SSBP3: variants seen among roughly 807,000 people sequenced by gnomAD.
SSBP3 encodes the protein single-stranded DNA-binding protein 3.
Under a neutral mutation model 69.6 loss-of-function variants are expected in SSBP3, and 5 were observed. The observed-to-expected ratio is 0.07, with a 90% confidence interval of 0.04 to 0.15. The LOEUF is 0.15. Ranked by LOEUF, SSBP3 falls within the 10% of genes least tolerant of loss-of-function variation. SSBP3 has a pLI of 1.00. For missense variants in SSBP3, 312 were observed against 534.0 expected, an observed-to-expected ratio of 0.58 and a Z score of 4.10; for synonymous variants, 196 against 193.4, an observed-to-expected ratio of 1.01 and a Z score of -0.11.
chr1:54,299,450 G>A (rs961795347), intron 4 of SSBP3, among the ~76,000 whole-genome samples: 8 of 151,678 alleles, frequency 5.3e-5, no homozygotes, highest in Admixed American at 5.2e-4. Flanking sequence ...CCCAGAACCT[G>A]GCCAGGGTCC....
At chr1:54,265,075 G>A (rs943138548) in intron 5 of SSBP3, among the ~76,000 whole-genome samples, 7 of 152,170 alleles carry the variant, frequency 4.6e-5, no homozygotes, top group African/African-American at 1.4e-4. Context: ...AGAAAATGGC[G>A]TAAGCTCAGT....
exon 15 of SSBP3, chr1:54,228,763 T>C (rs1295649860): frequency 1.2e-6 from 2 of 1,606,584 alleles, no homozygotes; most frequent in South Asian, 1.1e-5. Context: ...GATCCATTCA[T>C]GTGGTGTGGC....
intron 4 of SSBP3, among the ~76,000 whole-genome samples, chr1:54,316,891 A>G (rs1646124816): frequency 6.6e-6 from 1 of 152,276 alleles, no homozygotes; most frequent in East Asian, 1.9e-4. Flanking sequence ...CTGCTTCAAA[A>G]ATGGCACCTT....
At chr1:54,275,759 T>C (rs146442743) in intron 5 of SSBP3, among the ~76,000 whole-genome samples, 23 of 152,272 alleles carry the variant, frequency 1.5e-4, no homozygotes, top group South Asian at 8.3e-4. Flanking sequence ...CTCAAGGACT[T>C]GGAATGTGGG....
intron 4 of SSBP3, among the ~76,000 whole-genome samples, chr1:54,284,952 T>C (rs9326028): frequency 0.13 from 19,234 of 152,132 alleles, 1,289 homozygotes; most frequent in Middle Eastern, 0.21. Flanking sequence ...TTCTAGTAAA[T>C]GCACGGTGTA....
chr1:54,365,849 TAGA>T (rs1236416298), intron 4 of SSBP3, among the ~76,000 whole-genome samples: 1 of 152,216 alleles, frequency 6.6e-6, no homozygotes, highest in East Asian at 1.9e-4. Context: ...GCACTGACTC[TAGA>T]AGAACTAGTT....
intron 4 of SSBP3, among the ~76,000 whole-genome samples, chr1:54,377,751 A>T (rs1647296289): frequency 6.6e-6 from 1 of 152,222 alleles, no homozygotes; most frequent in South Asian, 2.1e-4. Context: ...TGTTGGTGAT[A>T]CGTCCTAGAA....
intron 4 of SSBP3, among the ~76,000 whole-genome samples, chr1:54,369,899 T>G (rs1557571180): frequency 6.6e-6 from 1 of 152,256 alleles, no homozygotes; most frequent in Non-Finnish European, 1.5e-5. Context: ...GCTGCCTCTC[T>G]CGGGATCCCC....
At chr1:54,312,941 G>T (rs1232263185) in intron 4 of SSBP3, among the ~76,000 whole-genome samples, 1 of 152,172 alleles carries the variant, frequency 6.6e-6, no homozygotes, top group Non-Finnish European at 1.5e-5. Context: ...GAGGCCAGGA[G>T]GGGGTGGGAT....
upstream of SSBP3, among the ~76,000 whole-genome samples, chr1:54,408,843 G>C (rs1160972724): frequency 3.3e-5 from 5 of 152,192 alleles, no homozygotes; most frequent in African/African-American, 1.2e-4. Context: ...GCACTCTGTG[G>C]TCAGCCCTTT....
chr1:54,406,381 G>C, exon 1 of SSBP3: 1 of 165,068 alleles, frequency 6.1e-6, no homozygotes, highest in African/African-American at 2.4e-5. Context: ...CGCCGCCGCC[G>C]CCGCCGCTGG....
At chr1:54,335,717 G>A (rs955378530) in intron 4 of SSBP3, 2 of 152,222 alleles carry the variant, frequency 1.3e-5, no homozygotes, top group Admixed American at 1.3e-4. Context: ...CAGGAGCCAG[G>A]GAGGCACGCA....
chr1:54,393,346 C>G (rs1648633815), intron 4 of SSBP3, among the ~76,000 whole-genome samples: 1 of 152,192 alleles, frequency 6.6e-6, no homozygotes, highest in African/African-American at 2.4e-5. Context: ...GAGAGCTGAT[C>G]AACAGGGAAG....
chr1:54,334,111 T>C (rs1278803619), intron 4 of SSBP3, among the ~76,000 whole-genome samples: 4 of 151,790 alleles, frequency 2.6e-5, no homozygotes, highest in Non-Finnish European at 4.4e-5. Flanking sequence ...CCCAGCACTT[T>C]GGGAGGCCGA....
At chr1:54,252,252 C>A (rs115813469) in intron 7 of SSBP3, among the ~76,000 whole-genome samples, 128 of 152,332 alleles carry the variant, frequency 8.4e-4, no homozygotes, top group African/African-American at 2.8e-3. Context: ...CTGCCCAAAC[C>A]CCATCTTGCC....
chr1:54,396,063 G>A (rs954423622), intron 4 of SSBP3, among the ~76,000 whole-genome samples: 3 of 151,740 alleles, frequency 2.0e-5, no homozygotes, highest in Non-Finnish European at 4.4e-5. Context: ...GTGGTGGCAC[G>A]CGCCTGTAAT....
intron 4 of SSBP3, among the ~76,000 whole-genome samples, chr1:54,344,167 G>A (rs538109684): frequency 9.2e-5 from 14 of 151,712 alleles, no homozygotes; most frequent in Non-Finnish European, 1.3e-4. Flanking sequence ...GCAGAGAAAC[G>A]TTGAGGAAAA....
intron 4 of SSBP3, among the ~76,000 whole-genome samples, chr1:54,368,656 G>A (rs1432010335): frequency 6.6e-6 from 1 of 152,012 alleles, no homozygotes; most frequent in Non-Finnish European, 1.5e-5. Flanking sequence ...TAGTACACTA[G>A]AAACTCTGAG....
rs140308354 is a variant in SSBP3, at chr1:54,288,186, C to T, written c.277-6659G>A. Among the ~76,000 whole-genome samples, 738 of 152,282 alleles carry T rather than the reference C, an allele frequency of 4.8e-3. 4 individuals carry two copies. Among genetic ancestry groups the T allele is most frequent in the Non-Finnish European group, 8.1e-3 (549 of 68,032 alleles). On this transcript the variant is annotated intron_variant, in intron 4 of 17. Coordinates refer to ENST00000610401, the Ensembl canonical transcript of SSBP3. ...AAAGGATTGCCATAGGACCCACCAC[C>T]GCCTGGGCCTGGGGATTATTAAGAC...
Sources: allele counts gnomAD v4.1 joint callset (sites outside exome capture counted in the v4.1 genomes callset), GRCh38; gene constraint gnomAD v4.1.1; transcripts MANE v1.5; gene names NCBI Gene and HGNC (gene_info 2026-07-23, HGNC 2026-07-21).